The following STPG1 variants were observed in gnomAD, a reference collection of about 807,000 sequenced individuals.
The protein encoded by STPG1 is O(6)-methylguanine-induced apoptosis 2.
STPG1 carries 33 observed loss-of-function variants against 40.1 expected under a neutral mutation model. The ratio of observed to expected loss-of-function variants is 0.82; its 90% CI spans 0.62 to 1.10. The LOEUF is 1.10. STPG1 is among the 50% of genes least tolerant of loss of function. The probability of loss-of-function intolerance (pLI) is 0.00; values close to 1 mark genes in which losing one functional copy is unlikely to be tolerated. For synonymous variants in STPG1, 150 were observed against 155.0 expected (o/e 0.97, Z 0.24); for missense variants, 396 against 415.1 (o/e 0.95, Z 0.40).
At chr1:24,378,151 T>C (rs1242210796) in intron 5 of STPG1, among the ~76,000 whole-genome samples, 1 of 152,018 alleles carries the variant, frequency 6.6e-6, no homozygotes, top group Non-Finnish European at 1.5e-5. Context: ...AATTAAAATG[T>C]GCTGGAAGAA....
chr1:24,407,932 T>G (rs1643476203), intron 1 of STPG1, among the ~76,000 whole-genome samples: 1 of 152,256 alleles, frequency 6.6e-6, no homozygotes, highest in East Asian at 1.9e-4. Context: ...CTTTAAGGTT[T>G]CTTTGTACTA....
intron 2 of STPG1, among the ~76,000 whole-genome samples, chr1:24,394,167 G>GC: frequency 6.6e-6 from 1 of 152,302 alleles, no homozygotes; most frequent in Non-Finnish European, 1.5e-5. Context: ...CTTCCACAGG[G>GC]CCGGGAATAG....
At chr1:24,406,965 C>T (rs1286644887) in intron 1 of STPG1, among the ~76,000 whole-genome samples, 1 of 152,214 alleles carries the variant, frequency 6.6e-6, no homozygotes, top group East Asian at 1.9e-4. Flanking sequence ...CTATCCGTCT[C>T]TGTAAATCTT....
At chr1:24,376,425 T>C (rs1471343815) in intron 5 of STPG1, among the ~76,000 whole-genome samples, 5 of 152,006 alleles carry the variant, frequency 3.3e-5, no homozygotes, top group African/African-American at 1.2e-4. Context: ...TATTTTATGA[T>C]GAGCGTGTAT....
intron 1 of STPG1, among the ~76,000 whole-genome samples, chr1:24,412,312 A>G (rs1643722437): frequency 6.6e-6 from 1 of 152,136 alleles, no homozygotes; most frequent in South Asian, 2.1e-4. Context: ...CACCGGACCC[A>G]GGCATCGTCC....
intron 2 of STPG1, 57 bp from the exon 3 acceptor site, chr1:24,391,736 G>A: frequency 7.3e-7 from 1 of 1,363,370 alleles, no homozygotes; most frequent in Admixed American, 2.2e-5. Context: ...ATTGACAAAT[G>A]TGGAAAACAC....
chr1:24,363,493 G>A (rs1242438722), intron 7 of STPG1, among the ~76,000 whole-genome samples: 2 of 152,180 alleles, frequency 1.3e-5, no homozygotes, highest in African/African-American at 4.8e-5. Context: ...ACAGAGCTGG[G>A]TTTGAATCCC....
At chr1:24,392,376 C>T (rs1642810041) in intron 2 of STPG1, among the ~76,000 whole-genome samples, 1 of 152,204 alleles carries the variant, frequency 6.6e-6, no homozygotes, top group Non-Finnish European at 1.5e-5. Flanking sequence ...AGACTCTAAC[C>T]TGTAAGTGTA....
chr1:24,408,547 T>C (rs1643495912), intron 1 of STPG1, among the ~76,000 whole-genome samples: 1 of 152,182 alleles, frequency 6.6e-6, no homozygotes, highest in Admixed American at 6.5e-5. Flanking sequence ...CTAGAATTCA[T>C]TTGGATTTCC....
rs1642388547 is a variant in STPG1, at chr1:24,383,848, A to G, written c.291+54T>C. 27 of 1,128,860 alleles carry G rather than the reference A, an allele frequency of 2.4e-5. No homozygotes were observed. In the South Asian group the frequency reaches 3.2e-4, roughly 13 times the overall value. The allele number at this position is 1,128,860 out of a possible 1,614,324, so 69.9% of individuals were successfully genotyped here. On this transcript the variant is annotated intron_variant, in intron 4 of 8. Coordinates refer to ENST00000337248, the MANE Select transcript of STPG1 (RefSeq NM_001199013.2). ...ATGTCCAATATATAATTATGCAATG[A>G]ATGAAGGAAATTACTGACCAGTTAA...
chr1:24,384,648 T>C (rs1450716931), intron 3 of STPG1, among the ~76,000 whole-genome samples: 5 of 152,188 alleles, frequency 3.3e-5, no homozygotes, highest in Admixed American at 3.3e-4. Context: ...CGGGCTTTCA[T>C]TGCATTTCCC....
At chr1:24,395,915 G>T (rs927601831) in intron 2 of STPG1, among the ~76,000 whole-genome samples, 10 of 151,408 alleles carry the variant, frequency 6.6e-5, no homozygotes, top group Non-Finnish European at 1.0e-4. Flanking sequence ...CCCAGGAGGT[G>T]TAGGTTACAG....
At chr1:24,374,229 C>T (rs1280453517) in intron 5 of STPG1, among the ~76,000 whole-genome samples, 1 of 146,946 alleles carries the variant, frequency 6.8e-6, no homozygotes, top group East Asian at 2.0e-4. Context: ...CAGCAGAGAT[C>T]ACCGCTAGGA....
chr1:24,402,670 C>A (rs145902558), intron 1 of STPG1, among the ~76,000 whole-genome samples: 17 of 149,762 alleles, frequency 1.1e-4, no homozygotes, highest in African/African-American at 3.7e-4. Context: ...TGCTTAAGCC[C>A]AGGAGATCAA....
intron 2 of STPG1, among the ~76,000 whole-genome samples, chr1:24,396,570 T>C (rs1471232889): frequency 6.6e-6 from 1 of 152,226 alleles, no homozygotes; most frequent in Non-Finnish European, 1.5e-5. Context: ...AGACAATACA[T>C]AAACAAACTG....
chr1:24,405,010 T>G (rs1422673572), intron 1 of STPG1, among the ~76,000 whole-genome samples: 1 of 152,228 alleles, frequency 6.6e-6, no homozygotes, highest in Non-Finnish European at 1.5e-5. Flanking sequence ...GACCCTGGAG[T>G]GCAGTGGCAC....
At chr1:24,366,678 C>T (rs2148682718) in intron 7 of STPG1, among the ~76,000 whole-genome samples, 1 of 152,296 alleles carries the variant, frequency 6.6e-6, no homozygotes, top group South Asian at 2.1e-4. Flanking sequence ...TGTGTGCTCT[C>T]CTGAGTCCAT....
At chr1:24,368,235 G>A (rs777180538) in intron 7 of STPG1, among the ~76,000 whole-genome samples, 2 of 152,142 alleles carry the variant, frequency 1.3e-5, no homozygotes, top group African/African-American at 2.4e-5. Context: ...TCTTAAGTTC[G>A]ACTTGGCAGA....
chr1:24,373,582 C>A, intron 6 of STPG1, 120 bp downstream of exon 6: 1 of 705,150 alleles, frequency 1.4e-6, no homozygotes, highest in Non-Finnish European at 2.6e-6. Flanking sequence ...CTGCCTGCTA[C>A]TCCTCCCCAC....
Sources: gnomAD v4.1 joint callset for allele counts (sites outside exome capture counted in the v4.1 genomes callset) on GRCh38, gnomAD v4.1.1 for gene constraint, MANE v1.5 for transcripts, NCBI Gene and HGNC (gene_info 2026-07-23, HGNC 2026-07-21) for gene names.